The following SIM1 variants were observed in gnomAD, a reference collection of about 807,000 sequenced individuals.
The protein encoded by SIM1 is SIM bHLH transcription factor 1.
SIM1 carries 18 observed loss-of-function variants against 78.2 expected under a neutral mutation model. The observed-to-expected ratio is 0.23, with a 90% CI of 0.16 to 0.34. The LOEUF (loss-of-function observed/expected upper bound fraction) is 0.34. SIM1 is among the 10% of genes least tolerant of loss of function. SIM1 has a pLI of 1.00. For missense variants in SIM1, 939 were observed against 975.1 expected (o/e 0.96, Z 0.49); for synonymous variants, 417 against 385.2 (o/e 1.08, Z -0.97).
chr6:100,396,460 T>G (rs1236282918), intron 10 of SIM1, among the ~76,000 whole-genome samples: 1 of 152,068 alleles, frequency 6.6e-6, no homozygotes, highest in South Asian at 2.1e-4. Context: ...AGAGACAACC[T>G]GGGCATACAG....
At position 100,390,247 on chromosome 6, in the gene SIM1, G is replaced by A; in HGVS notation, c.*114C>T. 1 of 1,172,882 alleles carries A rather than the reference G, an allele frequency of 8.5e-7. No homozygotes were observed. The highest frequency in any genetic ancestry group is 1.2e-6 in the Non-Finnish European group (1 of 834,404). 72.7% of individuals were successfully genotyped at this position (1,172,882 alleles called of 1,614,324 possible). ...TATAGGAACACGTATCAAATACCCA[G>A]TAACTTAAGTTATACTCTCTAACAA... On this transcript the variant is annotated 3_prime_UTR_variant, in exon 12 of 12. Transcript: ENST00000369208.
chr6:100,459,226 TTTG>T, intron 2 of SIM1, among the ~76,000 whole-genome samples: 1 of 152,360 alleles, frequency 6.6e-6, no homozygotes, highest in South Asian at 2.1e-4. Context: ...TTTGTTGTTG[TTTG>T]TTGTTTTTAT....
chr6:100,446,508 G>A (rs1384485137), intron 9 of SIM1, among the ~76,000 whole-genome samples: 1 of 152,192 alleles, frequency 6.6e-6, no homozygotes, highest in Non-Finnish European at 1.5e-5. Context: ...TACAGAACAC[G>A]CTTTCTTCAC....
intron 9 of SIM1, among the ~76,000 whole-genome samples, chr6:100,444,877 T>A (rs1017033908): frequency 6.6e-6 from 1 of 152,170 alleles, no homozygotes; most frequent in African/African-American, 2.4e-5. Context: ...TCTACTTTCA[T>A]GACATGAAAA....
chr6:100,416,466 A>G (rs755001499), intron 10 of SIM1, among the ~76,000 whole-genome samples: 3 of 152,224 alleles, frequency 2.0e-5, no homozygotes, highest in Non-Finnish European at 4.4e-5. Flanking sequence ...AAGAGGCACA[A>G]GACATTACCC....
intron 2 of SIM1, among the ~76,000 whole-genome samples, chr6:100,462,101 A>G (rs1264267870): frequency 1.3e-5 from 2 of 152,070 alleles, no homozygotes; most frequent in Non-Finnish European, 2.9e-5. Flanking sequence ...TGTCATGATC[A>G]AGCAAAGTGA....
At chr6:100,438,725 C>A (rs1012173354) in intron 9 of SIM1, among the ~76,000 whole-genome samples, 1 of 152,180 alleles carries the variant, frequency 6.6e-6, no homozygotes, top group South Asian at 2.1e-4. Flanking sequence ...GCCCATCAAC[C>A]AATGAGTGGA....
intron 9 of SIM1, among the ~76,000 whole-genome samples, chr6:100,423,712 C>G (rs922306323): frequency 6.6e-6 from 1 of 152,120 alleles, no homozygotes; most frequent in Non-Finnish European, 1.5e-5. Context: ...ACTTGCAACC[C>G]AATATCCTTT....
In SIM1 at chr6:100,411,739, T is replaced by C. The variant is rs140204048; in HGVS notation, c.1167+9051A>G. Reference sequence around the variant, plus strand: ...AGATTATAGTCCAAGAGAGGAGATATGACATGTCTAGAAGGCAGTAGAAGG... The same window carrying C: ...AGATTATAGTCCAAGAGAGGAGATACGACATGTCTAGAAGGCAGTAGAAGG... On this transcript the variant is annotated intron_variant, in intron 10 of 11. Transcript: ENST00000369208. Among the ~76,000 whole-genome samples the C allele has an allele frequency of 2.2e-4, 34 of 152,176 alleles. No homozygotes were observed. The East Asian group carries it at 6.4e-3, about 29-fold the overall frequency.
chr6:100,460,836 A>G (rs531073725), intron 2 of SIM1, among the ~76,000 whole-genome samples: 6 of 152,280 alleles, frequency 3.9e-5, no homozygotes, highest in Non-Finnish European at 7.3e-5. Flanking sequence ...AATATTTTAA[A>G]GAGCTGTGTT....
intron 2 of SIM1, among the ~76,000 whole-genome samples, chr6:100,458,383 C>T (rs1562064577): frequency 6.6e-6 from 1 of 151,996 alleles, no homozygotes; most frequent in Non-Finnish European, 1.5e-5. Context: ...GCGAATCCCA[C>T]TTAGGTTCTA....
chr6:100,462,276 T>C (rs1188261915), intron 2 of SIM1, among the ~76,000 whole-genome samples: 2 of 152,228 alleles, frequency 1.3e-5, no homozygotes, highest in Non-Finnish European at 2.9e-5. Context: ...TTTGTTTGTT[T>C]GCTTGTTCAG....
At chr6:100,423,647 A>T (rs1771650487) in intron 9 of SIM1, among the ~76,000 whole-genome samples, 1 of 152,246 alleles carries the variant, frequency 6.6e-6, no homozygotes, top group East Asian at 1.9e-4. Context: ...AGGAAGAGGC[A>T]GAAGACAACA....
intron 8 of SIM1, 104 bp downstream of exon 8, chr6:100,448,042 G>A: frequency 1.1e-6 from 1 of 894,478 alleles, no homozygotes; most frequent in Admixed American, 2.3e-5. Context: ...GGCTCCCTGG[G>A]CTCCCACCTG....
chr6:100,395,183 T>C (rs181954631), intron 10 of SIM1, among the ~76,000 whole-genome samples: 132 of 152,354 alleles, frequency 8.7e-4, no homozygotes, highest in African/African-American at 3.1e-3. Context: ...TTCTAGGTAT[T>C]GTAAAGAGAT....
chr6:100,431,223 T>C (rs1771892221), intron 9 of SIM1, among the ~76,000 whole-genome samples: 1 of 152,244 alleles, frequency 6.6e-6, no homozygotes, highest in Non-Finnish European at 1.5e-5. Flanking sequence ...ATATGTCCTA[T>C]AACATTTATT....
chr6:100,427,742 C>T (rs1771771601), intron 9 of SIM1, among the ~76,000 whole-genome samples: 1 of 152,156 alleles, frequency 6.6e-6, no homozygotes, highest in Non-Finnish European at 1.5e-5. Flanking sequence ...CCCCTCCAGG[C>T]CACAGTGATT....
chr6:100,389,391 T>C lies in SIM1; in HGVS notation c.*970A>G. On this transcript the variant is annotated 3_prime_UTR_variant, in exon 12 of 12. Coordinates refer to ENST00000369208, the MANE Select transcript of SIM1 (RefSeq NM_005068.3). ...ACTTAACACTGCTGTCATGTGGCAC[T>C]TCACTGGTTTTCCTTTTATTTTTGC... is the stretch of plus-strand genomic sequence containing the variant. The C allele has an allele frequency of 2.6e-6, 1 of 383,098 alleles. No homozygotes were observed. The highest frequency in any genetic ancestry group is 4.5e-5 in the Admixed American group (1 of 22,354). The allele number at this position is 383,098 out of a possible 1,614,324, so 23.7% of individuals were successfully genotyped here.
At position 100,448,193 on chromosome 6, in the gene SIM1, T is replaced by C. The variant is rs1264842153; in HGVS notation, c.803A>G (p.His268Arg). Residue 268 changes from histidine to arginine, a missense_variant, in exon 8 of 12, where the codon CAT (histidine) becomes CGT (arginine). This residue lies in a region of SIM1 where 187 missense variants were observed against 191.6 expected (regional missense o/e 0.98). Transcript: ENST00000369208. Reference protein sequence around the residue: ...QDLIEKTLYHHVHGCDTFHLR... With the variant: ...QDLIEKTLYHRVHGCDTFHLR... Reference sequence around the variant, plus strand: ...GTGGAAGGTGTCGCAGCCGTGCACATGGTGGTACAGAGTCTTCTCAATCAG... The same window carrying C: ...GTGGAAGGTGTCGCAGCCGTGCACACGGTGGTACAGAGTCTTCTCAATCAG... 1 of 1,613,864 alleles carries C rather than the reference T, an allele frequency of 6.2e-7. No homozygotes were observed. Among genetic ancestry groups the C allele is most frequent in the Non-Finnish European group, 8.5e-7 (1 of 1,179,984 alleles).
Sources: gnomAD v4.1 joint callset for allele counts (sites outside exome capture counted in the v4.1 genomes callset) on GRCh38, gnomAD v4.1.1 for gene constraint, gnomAD v4.1.1 regional missense constraint, MANE v1.5 for transcripts, NCBI Gene and HGNC (gene_info 2026-07-23, HGNC 2026-07-21) for gene names.